TTN: variants seen among roughly 807,000 people sequenced by gnomAD.
TTN encodes the protein connectin.
TTN carries 1,525 observed loss-of-function variants against 3,223.0 expected under a neutral mutation model. The ratio of observed to expected loss-of-function variants is 0.47; its 90% CI spans 0.45 to 0.49. TTN has a LOEUF of 0.49. Ranked by LOEUF, TTN falls within the 20% of genes least tolerant of loss-of-function variation. TTN has a pLI of 0.00. For missense variants in TTN, 40,786 were observed against 43,424.0 expected (o/e 0.94, Z 5.40); for synonymous variants, 14,094 against 15,161.0 (o/e 0.93, Z 5.17).
rs1560092083 is a variant in TTN at position 178,650,844 on chromosome 2, T to C, written c.39626-10A>G. 1.3e-6 allele frequency: 2 copies of C among 1,592,538 alleles called. No homozygotes were observed. On this transcript the variant is annotated splice_polypyrimidine_tract_variant and intron_variant, in intron 208 of 362. Coordinates refer to ENST00000589042, the MANE Select transcript of TTN (RefSeq NM_001267550.2). Reference sequence around the variant, plus strand: ...TTTGGCACTTCTGGCACTTTAAAGATATTAATTCATTTTTCTTATGAGTAG... The same window carrying C: ...TTTGGCACTTCTGGCACTTTAAAGACATTAATTCATTTTTCTTATGAGTAG...
At chr2:178,675,299 G>A in intron 149 of TTN, 186 bp from the exon 150 acceptor site, 2 of 421,768 alleles carry the variant, frequency 4.7e-6, no homozygotes, top group Non-Finnish European at 4.1e-6. Context: ...AAGATTTAGG[G>A]TTTATTAAAG....
intron 303 of TTN, 30 bp from the exon 304 acceptor site, chr2:178,591,534 T>C (rs964393354): frequency 6.3e-7 from 1 of 1,582,336 alleles, no homozygotes; most frequent in African/African-American, 1.4e-5. Context: ...AAATTAGATT[T>C]TGATTTTCAC....
At chr2:178,700,656 C>T (rs73038328) in intron 111 of TTN, among the ~76,000 whole-genome samples, 4,773 of 152,174 alleles carry the variant, frequency 0.031, 261 homozygotes, top group African/African-American at 0.11. Context: ...TCAAATATTT[C>T]ATAAGTATTC....
chr2:178,532,181 T>C lies in TTN; in HGVS notation c.104434A>G (p.Ile34812Val), dbSNP rs1245438198. 1 of 1,613,696 alleles carries C rather than the reference T, an allele frequency of 6.2e-7. No individual in the cohort carries two copies. The highest frequency in any genetic ancestry group is 8.5e-7 in the Non-Finnish European group (1 of 1,179,862). The change falls in exon 358 of 363, where the codon ATA becomes GTA. Residue 34812 changes from isoleucine (I) to valine (V), a missense_variant. Coordinates refer to ENST00000589042, the MANE Select transcript of TTN (RefSeq NM_001267550.2). Reference protein sequence around the residue: ...KSRRQREVTEITEIEEEYEIS... With the variant: ...KSRRQREVTEVTEIEEEYEIS... ...TCGTATTCTTCCTCAATTTCTGTTA[T>C]TTCTGTCACTTCTCTTTGTCGCCTT...
rs541649842 is a variant in TTN at position 178,737,915 on chromosome 2, G to T, written c.14371+167C>A. 25 of 676,368 alleles carry T rather than the reference G, an allele frequency of 3.7e-5. No individual in the cohort carries two copies. The South Asian group carries it at 8.8e-4, about 24-fold the overall frequency. 41.9% of individuals were successfully genotyped at this position (676,368 alleles called of 1,614,324 possible). On this transcript the variant is annotated intron_variant, in intron 49 of 362. Coordinates refer to ENST00000589042, the MANE Select transcript of TTN (RefSeq NM_001267550.2). ...TAGTAGAAATGTGACTGTAAATAAT[G>T]ATTTCTTATCCCATATAGGCTCTGC...
rs763600156 is a variant in TTN at position 178,559,785 on chromosome 2, C to T, written c.86347G>A (p.Val28783Ile). Residue 28783 changes from valine (V) to isoleucine (I), a missense_variant, in exon 326 of 363, where the codon GTA becomes ATA. By Grantham distance (29) the Val-to-Ile change is conservative. Coordinates refer to ENST00000589042, the MANE Select transcript of TTN (RefSeq NM_001267550.2). ...GGCTTACTCCACAAGACATTGGGTA[C>T]TGGTCTTCCTCGGAAAGGCACAGTC... ...TMTVPFRGRP[V>I]PNVLWSKPDT... 1.2e-6 allele frequency: 2 copies of T among 1,606,438 alleles called. No individual in the cohort carries two copies. The highest frequency in any genetic ancestry group is 4.5e-5 in the East Asian group (2 of 44,836).
chr2:178,543,123 C>T lies in TTN; in HGVS notation c.96850G>A (p.Gly32284Ser). 1.2e-6 allele frequency: 2 copies of T among 1,610,692 alleles called. No individual in the cohort carries two copies. Among genetic ancestry groups the T allele is most frequent in the Non-Finnish European group, 1.7e-6 (2 of 1,177,518 alleles). Residue 32284 changes from glycine to serine, a missense_variant, in exon 347 of 363, where the codon GGT (glycine) becomes AGT (serine). Physicochemically the swap from Gly to Ser is moderately conservative, Grantham distance 56. Transcript: ENST00000589042. ...LFRIRAQNEKGVSEPRETVTA... is the reference protein window; with the variant it reads ...LFRIRAQNEKSVSEPRETVTA... ...ACAGTCTCTCTTGGTTCTGACACAC[C>T]TTTCTCATTTTGTGCCCTTATTCTA...
chr2:178,650,147 T>A lies in TTN; in HGVS notation c.39817+17A>T. On this transcript the variant is annotated intron_variant, in intron 210 of 362. Coordinates refer to ENST00000589042, the MANE Select transcript of TTN (RefSeq NM_001267550.2). Reference sequence around the variant, plus strand: ...GAAATGACTGTATTTTCCCATACAGTGGATTCTGCTTTGTACCTGCTGGAG... The same window carrying A: ...GAAATGACTGTATTTTCCCATACAGAGGATTCTGCTTTGTACCTGCTGGAG... 6.4e-7 allele frequency: 1 copy of A among 1,556,652 alleles called. No individual in the cohort carries two copies. Among genetic ancestry groups the A allele is most frequent in the East Asian group, 2.4e-5 (1 of 42,360 alleles).
chr2:178,698,475 A>T (rs75687393), intron 112 of TTN, among the ~76,000 whole-genome samples: 3,124 of 152,268 alleles, frequency 0.021, 112 homozygotes, highest in African/African-American at 0.072. Context: ...TCATAACATC[A>T]CTTTGTACCC....
At position 178,602,306 on chromosome 2, in the gene TTN, C is replaced by T; in HGVS notation, c.55096G>A (p.Glu18366Lys). 6.2e-7 allele frequency: 1 copy of T among 1,612,760 alleles called. No homozygotes were observed. Among genetic ancestry groups the T allele is most frequent in the East Asian group, 2.2e-5 (1 of 44,690 alleles). ...GESEPSDTTG[E>K]IPATDIQEEP... is the part of the protein sequence containing the mutation. ...CCTTGAATATCAGTGGCAGGGATCTCCCCAGTTGTATCACTTGGTTCAGAT... is the reference window on the plus strand; with the variant it reads ...CCTTGAATATCAGTGGCAGGGATCTTCCCAGTTGTATCACTTGGTTCAGAT... Residue 18366 changes from glutamate (E) to lysine (K), a missense_variant, in exon 283 of 363, where the codon GAG becomes AAG. Physicochemically the swap from Glu to Lys is moderately conservative, Grantham distance 56 (BLOSUM62 1). Coordinates refer to ENST00000589042, the MANE Select transcript of TTN (RefSeq NM_001267550.2).
Position 178,533,952 on chromosome 2 carries a change from A to G in TTN, c.102663T>C (p.Tyr34221=), listed in dbSNP as rs760238203. 11 of 1,613,772 alleles carry G rather than the reference A, an allele frequency of 6.8e-6. No individual in the cohort carries two copies. The East Asian group carries it at 1.6e-4, about 23-fold the overall frequency. Residue 34221 remains tyrosine (Y), a synonymous_variant, in exon 358 of 363, where the codon TAT becomes TAC. Coordinates refer to ENST00000589042, the MANE Select transcript of TTN (RefSeq NM_001267550.2). ...TCACACCTTTAACAAATAGCTCTGC[A>G]TAAGAACTGTCTTCACCATAGTCAT... The part of the protein sequence containing the change: ...VVNDYGEDSS[Y]AELFVKGVRE...
In TTN at chr2:178,722,276, G is replaced by A; in HGVS notation, c.22511C>T (p.Ala7504Val). The A allele has an allele frequency of 8.1e-6, 13 of 1,596,634 alleles. No homozygotes were observed. Among genetic ancestry groups the A allele is most frequent in the Non-Finnish European group, 1.1e-5 (13 of 1,171,576 alleles). The change falls in exon 77 of 363, where the codon GCT (alanine) becomes GTT (valine). Residue 7504 changes from alanine to valine, a missense_variant. By Grantham distance (64) the Ala-to-Val change is moderately conservative (BLOSUM62 0). Transcript: ENST00000589042. ...SNPLGTASSS[A>V]RLTAREPKKS... ...GAACAAACCTCTTGCTGTGAGTCTA[G>A]CACTAGAAGATGCTGTTCCAAGTGG...
At chr2:178,685,896 T>G (rs893307778) in intron 127 of TTN, among the ~76,000 whole-genome samples, 10 of 152,098 alleles carry the variant, frequency 6.6e-5, no homozygotes, top group Admixed American at 2.6e-4. Context: ...ACGATTATAA[T>G]AGCTGAGTTA....
rs947441302 is a variant in TTN at position 178,778,178 on chromosome 2, T to C, written c.4209-203A>G. The C allele has an allele frequency of 1.2e-5, 8 of 677,760 alleles. No homozygotes were observed. The African/African-American group carries it at 1.3e-4, about 11-fold the overall frequency. The allele number at this position is 677,760 out of a possible 1,614,324, so 42.0% of individuals were successfully genotyped here. ...TATGTTTTTCCTATATTCTCAATTT[T>C]AGCTGGTAGTCATTCAGTATATCCA... On this transcript the variant is annotated intron_variant, in intron 24 of 362. Coordinates refer to ENST00000589042, the MANE Select transcript of TTN (RefSeq NM_001267550.2).
In TTN at chr2:178,652,287, T is replaced by C. The variant is rs768332032; in HGVS notation, c.39188A>G (p.Lys13063Arg). ...ACCTTTTGTGGGTGGCACTTCAGGC[T>C]TTTTAGGAGGAGGCACTGGCACTTT... Reference protein sequence around the residue: ...EKKVPVPPPKKPEVPPTKVPE... With the variant: ...EKKVPVPPPKRPEVPPTKVPE... The change falls in exon 203 of 363, where the codon AAG becomes AGG. Residue 13063 changes from lysine to arginine, a missense_variant. By Grantham distance (26) the Lys-to-Arg change is conservative. Transcript: ENST00000589042. 6 of 1,613,648 alleles carry C rather than the reference T, an allele frequency of 3.7e-6. No homozygotes were observed. Among genetic ancestry groups the C allele is most frequent in the Non-Finnish European group, 5.1e-6 (6 of 1,179,684 alleles).
Position 178,712,208 on chromosome 2 carries a change from C to T in TTN, c.27622G>A (p.Val9208Ile). The T allele has an allele frequency of 6.2e-7, 1 of 1,613,080 alleles. No individual in the cohort carries two copies. The highest frequency in any genetic ancestry group is 8.5e-7 in the Non-Finnish European group (1 of 1,179,354). Residue 9208 changes from valine (V) to isoleucine (I), a missense_variant, in exon 96 of 363, where the codon GTC becomes ATC. Val to Ile is a conservative substitution (Grantham distance 29). Transcript: ENST00000589042. The stretch of plus-strand genomic sequence containing the variant: ...ACCTTAACCGGCTCCAACTGCTTGA[C>T]AAAATACGGTGGTTCTGCAGCCAAG... ...QILILEPPYF[V>I]KQLEPVKVSV...
chr2:178,710,771 C>T lies in TTN; in HGVS notation c.28326G>A (p.Lys9442=). Residue 9442 remains lysine (K), a synonymous_variant, in exon 98 of 363, where the codon AAG becomes AAA. Coordinates refer to ENST00000589042, the MANE Select transcript of TTN (RefSeq NM_001267550.2). ...TGTTTTCCAGATAACTAATCTGGTA[C>T]TTTCCGCCACTTCGTATTTCTCTGC... ...KDSREIRSGG[K]YQISYLENSA... 1 of 1,613,896 alleles carries T rather than the reference C, an allele frequency of 6.2e-7. No individual in the cohort carries two copies. The highest frequency in any genetic ancestry group is 8.5e-7 in the Non-Finnish European group (1 of 1,179,848).
rs1335495074 is a variant in TTN at position 178,576,607 on chromosome 2, G to T, written c.69637C>A (p.Arg23213Ser). The T allele has an allele frequency of 6.2e-7, 1 of 1,613,426 alleles. No homozygotes were observed. The highest frequency in any genetic ancestry group is 1.3e-5 in the African/African-American group (1 of 74,904). The change falls in exon 325 of 363, where the codon CGT (arginine) becomes AGT (serine). Residue 23213 changes from arginine (R) to serine (S), a missense_variant. By Grantham distance (110) the Arg-to-Ser change is moderately radical. Transcript: ENST00000589042. This position sits in a 1 kb window ranked among gnomAD's most constrained non-coding sequence, Gnocchi z 4.3. ...GLQEGSTYEF[R>S]VSAENRAGIG... ...CCTGCTCTGTTTTCTGCACTGACAC[G>T]GAATTCGTAGGTGCTTCCTTCTTGC... is the stretch of plus-strand genomic sequence containing the variant.
In TTN at chr2:178,783,028, C is replaced by G; in HGVS notation, c.2878G>C (p.Val960Leu). 6.2e-7 allele frequency: 1 copy of G among 1,614,056 alleles called. No individual in the cohort carries two copies. The highest frequency in any genetic ancestry group is 1.3e-5 in the African/African-American group (1 of 75,020). The change falls in exon 18 of 363, where the codon GTC becomes CTC. Residue 960 changes from valine to leucine, a missense_variant. Physicochemically the swap from Val to Leu is conservative, Grantham distance 32. Coordinates refer to ENST00000589042, the MANE Select transcript of TTN (RefSeq NM_001267550.2). ...KNVTVIEGES[V>L]TLECHISGYP... ...CCAGAGATGTGGCACTCCAAGGTGA[C>G]AGATTCACCTTCTATGACAGTCACA...
Sources: allele counts gnomAD v4.1 joint callset (sites outside exome capture counted in the v4.1 genomes callset), GRCh38; gene constraint gnomAD v4.1.1; non-coding constraint Gnocchi (gnomAD v3.1); transcripts MANE v1.5; gene names NCBI Gene and HGNC (gene_info 2026-07-23, HGNC 2026-07-21).